Variants in TIAM1 observed in about 807,000 individuals in gnomAD.
TIAM1 encodes TIAM Rac1 associated GEF 1, also known as rho guanine nucleotide exchange factor TIAM1.
In TIAM1, 65 loss-of-function variants were observed where a neutral mutation model predicts 163.5. The ratio of observed to expected loss-of-function variants is 0.40; its 90% CI spans 0.33 to 0.49. The LOEUF is 0.49. TIAM1 is among the 20% of genes least tolerant of loss of function. TIAM1 has a pLI of 0.77. For missense variants in TIAM1, 1,789 were observed against 2,044.7 expected, an observed-to-expected ratio of 0.87 and a Z score of 2.41; for synonymous variants, 833 against 810.1, an observed-to-expected ratio of 1.03 and a Z score of -0.48.
intron 2 of TIAM1, among the ~76,000 whole-genome samples, chr21:31,321,247 G>A (rs2075302052): frequency 6.6e-6 from 1 of 152,312 alleles, no homozygotes; most frequent in East Asian, 1.9e-4. Context: ...CGGCAGGCCT[G>A]CACCTCTGCC....
chr21:31,244,632 G>A (rs2071396147), intron 6 of TIAM1, among the ~76,000 whole-genome samples: 1 of 152,222 alleles, frequency 6.6e-6, no homozygotes, highest in South Asian at 2.1e-4. Context: ...GGCTGAGACA[G>A]GAGAATTGCT....
intron 20 of TIAM1, among the ~76,000 whole-genome samples, chr21:31,142,770 C>T (rs879484252): frequency 2.6e-5 from 4 of 152,116 alleles, no homozygotes; most frequent in East Asian, 1.9e-4. Flanking sequence ...AAAGTTAACT[C>T]GGTGGCACCA....
Position 31,533,132 on chromosome 21 carries a change from C to A in TIAM1, c.-422+25795G>T, listed in dbSNP as rs369625282. Among the ~76,000 whole-genome samples, 10 of 152,180 alleles carry A rather than the reference C, an allele frequency of 6.6e-5. 1 individual carries two copies. The East Asian group carries it at 1.4e-3, about 21-fold the overall frequency. On this transcript the variant is annotated intron_variant, in intron 1 of 28. Coordinates refer to the TIAM1 transcript ENST00000286827. ...GGCCAAGAGTTCAAGGCCAGCCTGG[C>A]CAACATGGTGAAACCCTGTCTCTAC...
At chr21:31,223,617 G>A (rs771889682) in intron 7 of TIAM1, 26 bp from the exon 8 acceptor site, 2 of 1,562,260 alleles carry the variant, frequency 1.3e-6, no homozygotes, top group Middle Eastern at 1.7e-4. Context: ...CACGGGAAAA[G>A]AAAAAGTGAG....
chr21:31,296,228 G>T (rs146580303), intron 2 of TIAM1, among the ~76,000 whole-genome samples: 6 of 152,056 alleles, frequency 3.9e-5, no homozygotes, highest in Non-Finnish European at 8.8e-5. Flanking sequence ...ATTTCTGGGG[G>T]TAATAAGGAG....
In TIAM1 at chr21:31,210,715, GAGAA is replaced by G. The variant is rs1332239926; in HGVS notation, c.2218-504_2218-501del. 1.3e-4 allele frequency among the ~76,000 whole-genome samples: 13 copies of G among 97,464 alleles called. 2 individuals are homozygous for G. Among genetic ancestry groups the G allele is most frequent in the African/African-American group, 4.0e-4 (6 of 15,046 alleles). 63.9% of individuals were successfully genotyped at this position (97,464 alleles called of 152,430 possible). On this transcript the variant is annotated intron_variant, in intron 10 of 27. Coordinates refer to ENST00000541036, the MANE Select transcript of TIAM1 (RefSeq NM_001353694.2). ...AAAGAAAGAAAGAAAGAGAAAGAAA[GAGAA>G]AGAAAGAAAGAGAAAGAAGGAAGGA...
chr21:31,223,194 T>C (rs936196577), intron 8 of TIAM1, among the ~76,000 whole-genome samples: 10 of 150,752 alleles, frequency 6.6e-5, no homozygotes, highest in African/African-American at 2.5e-4. Flanking sequence ...CTTTGCACAA[T>C]AGCTTAGGCC....
intron 3 of TIAM1, among the ~76,000 whole-genome samples, chr21:31,268,963 C>T (rs2072923955): frequency 1.3e-5 from 2 of 152,050 alleles, no homozygotes; most frequent in South Asian, 2.1e-4. Context: ...GTCACAGCCC[C>T]ATTTTAAGAC....
At chr21:31,313,767 C>T (rs968033213) in intron 2 of TIAM1, among the ~76,000 whole-genome samples, 5 of 152,110 alleles carry the variant, frequency 3.3e-5, no homozygotes, top group South Asian at 2.1e-4. Flanking sequence ...AGTAGAGACG[C>T]GGTTTCACCA....
chr21:31,524,745 A>G (rs905891586), intron 1 of TIAM1, among the ~76,000 whole-genome samples: 1 of 152,200 alleles, frequency 6.6e-6, no homozygotes, highest in Admixed American at 6.5e-5. Context: ...TCCTTTAGCT[A>G]GATAATTACA....
At chr21:31,506,111 A>C (rs1208413016) in intron 1 of TIAM1, among the ~76,000 whole-genome samples, 1 of 151,078 alleles carries the variant, frequency 6.6e-6, no homozygotes, top group Non-Finnish European at 1.5e-5. Flanking sequence ...ATTACAACCC[A>C]GGCACTGATG....
Position 31,250,436 on chromosome 21 carries a change from A to C in TIAM1, c.1411+1306T>G, listed in dbSNP as rs1361237763. Among the ~76,000 whole-genome samples, 4 of 152,182 alleles carry C rather than the reference A, an allele frequency of 2.6e-5. No individual in the cohort carries two copies. The East Asian group carries it at 7.7e-4, about 29-fold the overall frequency. ...TGAGCAACAGCTGGCACCAAGAATA[A>C]TGGGGCCAACGCAAGTCCTACTTGT... On this transcript the variant is annotated intron_variant, in intron 5 of 27. Coordinates refer to ENST00000541036, the MANE Select transcript of TIAM1 (RefSeq NM_001353694.2).
At chr21:31,393,702 T>A (rs1205263218) in intron 2 of TIAM1, among the ~76,000 whole-genome samples, 1 of 152,134 alleles carries the variant, frequency 6.6e-6, no homozygotes, top group African/African-American at 2.4e-5. Flanking sequence ...AAGCTGAGAG[T>A]GTCTGTTTGA....
At chr21:31,536,279 A>G (rs2048131517) in intron 1 of TIAM1, among the ~76,000 whole-genome samples, 1 of 152,234 alleles carries the variant, frequency 6.6e-6, no homozygotes, top group East Asian at 1.9e-4. Context: ...CATTCTATTC[A>G]TAAGTGGCTA....
chr21:31,336,770 C>T, intron 2 of TIAM1, among the ~76,000 whole-genome samples: 1 of 152,098 alleles, frequency 6.6e-6, no homozygotes, highest in East Asian at 1.9e-4. Flanking sequence ...TCCAGAAAGA[C>T]AGCCGGGAGG....
chr21:31,479,457 A>G (rs1043233340), intron 1 of TIAM1, among the ~76,000 whole-genome samples: 3 of 151,704 alleles, frequency 2.0e-5, no homozygotes, highest in African/African-American at 7.3e-5. Flanking sequence ...GGATGGATAG[A>G]TGGATGGATG....
At chr21:31,128,837 C>T (rs1021822846) in intron 25 of TIAM1, among the ~76,000 whole-genome samples, 19 of 152,086 alleles carry the variant, frequency 1.2e-4, no homozygotes, top group African/African-American at 3.9e-4. Flanking sequence ...GAAGAGATGC[C>T]TCATTTAATT....
At chr21:31,496,017 C>T (rs1296698947) in intron 1 of TIAM1, among the ~76,000 whole-genome samples, 1 of 151,888 alleles carries the variant, frequency 6.6e-6, no homozygotes, top group Non-Finnish European at 1.5e-5. Flanking sequence ...GAAGAGTTTC[C>T]CAAAAGACAA....
chr21:31,367,467 T>C (rs1167410903), intron 2 of TIAM1, among the ~76,000 whole-genome samples: 9 of 152,194 alleles, frequency 5.9e-5, no homozygotes, highest in Non-Finnish European at 1.2e-4. Context: ...TTAAATGGCA[T>C]TTGGATTCTT....
Sources: allele counts gnomAD v4.1 joint callset (sites outside exome capture counted in the v4.1 genomes callset), GRCh38; gene constraint gnomAD v4.1.1; transcripts MANE v1.5; gene names NCBI Gene and HGNC (gene_info 2026-07-23, HGNC 2026-07-21).